CRLF1: variants seen among roughly 807,000 people sequenced by gnomAD.
The protein encoded by CRLF1 is cytokine receptor like factor 1.
Under a neutral mutation model 48.9 loss-of-function variants are expected in CRLF1, and 36 were observed. That is an observed-to-expected ratio of 0.74 (90% confidence interval 0.56 to 0.97). The LOEUF is 0.97. Among genes scored for constraint, CRLF1 ranks in the 50% least tolerant of loss-of-function variants. The pLI is 0.00. For missense variants in CRLF1, 534 were observed against 575.1 expected, an observed-to-expected ratio of 0.93 and a Z score of 0.73; for synonymous variants, 256 against 253.4, an observed-to-expected ratio of 1.01 and a Z score of -0.10.
At chr19:18,600,956 C>T (rs1976213473) in intron 1 of CRLF1, among the ~76,000 whole-genome samples, 1 of 152,046 alleles carries the variant, frequency 6.6e-6, no homozygotes, top group Non-Finnish European at 1.5e-5. Flanking sequence ...AGGTGTGCAC[C>T]ACCACACCTG....
intron 6 of CRLF1, 112 bp from the exon 7 acceptor site, chr19:18,594,546 T>C (rs950592816): frequency 2.5e-6 from 2 of 799,776 alleles, no homozygotes; most frequent in Non-Finnish European, 3.3e-6. Context: ...GGAACCTCCC[T>C]CCCCGTTTCT....
chr19:18,606,665 C>T lies in CRLF1; in HGVS notation c.-9G>A, dbSNP rs1015232472. On this transcript the variant is annotated 5_prime_UTR_variant, in exon 1 of 9. Coordinates refer to ENST00000392386, the MANE Select transcript of CRLF1 (RefSeq NM_004750.5). The surrounding 1 kb of genome is among the most constrained non-coding windows in gnomAD (Gnocchi z 4.8). ...CGGCGGCCGGCGGGCATGGGGCCGG[C>T]GCTGCCGGGGGCGCGCGGCGGGCTG... 2 of 657,948 alleles carry T rather than the reference C, an allele frequency of 3.0e-6. No homozygotes were observed. The highest frequency in any genetic ancestry group is 3.7e-6 in the Non-Finnish European group (2 of 534,238). 40.8% of individuals were successfully genotyped at this position (657,948 alleles called of 1,614,324 possible).
chr19:18,606,579 G>GAGC lies in CRLF1; in HGVS notation c.75_77dup (p.Leu26dup), dbSNP rs34503316. On this transcript the variant is annotated inframe_insertion, in exon 1 of 9. Coordinates refer to ENST00000392386, the MANE Select transcript of CRLF1 (RefSeq NM_004750.5). This position sits in a 1 kb window ranked among gnomAD's most constrained non-coding sequence, Gnocchi z 4.8. ...CGGCTCGCGGCGCCCCGAGGACGCA[G>GAGC]AGCAGCAGCAGCAGGGGCAGCAACG... 7 of 1,140,372 alleles carry GAGC rather than the reference G, an allele frequency of 6.1e-6. No homozygotes were observed. In the South Asian group the frequency reaches 1.7e-4, roughly 28 times the overall value. 70.6% of individuals were successfully genotyped at this position (1,140,372 alleles called of 1,614,324 possible).
chr19:18,599,097 C>T (rs1191442382), intron 2 of CRLF1, 196 bp from the exon 3 acceptor site: 14 of 985,146 alleles, frequency 1.4e-5, no homozygotes, highest in South Asian at 4.7e-5. Flanking sequence ...GCTGGTGACT[C>T]GATCTCCGGG....
At position 18,594,333 on chromosome 19, in the gene CRLF1, T is replaced by TCTTGAGCCAGCCCAGGAACTG; in HGVS notation, c.1105_1125dup (p.Gln369_Lys375dup). 1 of 1,612,134 alleles carries TCTTGAGCCAGCCCAGGAACTG rather than the reference T, an allele frequency of 6.2e-7. No homozygotes were observed. The highest frequency in any genetic ancestry group is 8.5e-7 in the Non-Finnish European group (1 of 1,179,734). On this transcript the variant is annotated inframe_insertion, in exon 7 of 9. Coordinates refer to ENST00000392386, the MANE Select transcript of CRLF1 (RefSeq NM_004750.5). ...CTGAGGTTGGAGCAGTACGCGTGCT[T>TCTTGAGCCAGCCCAGGAACTG]CTTGAGCCAGCCCAGGAACTGCTTG... is the stretch of plus-strand genomic sequence containing the variant.
rs1206327956 is a variant in CRLF1 at position 18,596,650 on chromosome 19, G to A, written c.996C>T (p.His332=). The part of the protein sequence containing the change: ...KKAGIWSEWS[H]PTAASTPRSE... The stretch of plus-strand genomic sequence containing the variant: ...TGCGGGGAGTGGAGGCGGCTGTGGG[G>A]TGGCTCCACTCACTCCAGATCCCGG... Residue 332 remains histidine, a synonymous_variant, in exon 6 of 9, where the codon CAC becomes CAT. Transcript: ENST00000392386. 5.0e-6 allele frequency: 8 copies of A among 1,613,878 alleles called. No individual in the cohort carries two copies. In the East Asian group the frequency reaches 1.8e-4, roughly 36 times the overall value.
At chr19:18,601,684 G>A (rs1034317986) in intron 1 of CRLF1, among the ~76,000 whole-genome samples, 3 of 152,210 alleles carry the variant, frequency 2.0e-5, no homozygotes, top group East Asian at 1.9e-4. Flanking sequence ...GATGACAGGC[G>A]TGAGTCATTG....
At chr19:18,594,564 C>T in intron 6 of CRLF1, 130 bp from the exon 7 acceptor site, 2 of 673,908 alleles carry the variant, frequency 3.0e-6, no homozygotes, top group Non-Finnish European at 4.2e-6. Context: ...TCTCAAGGAC[C>T]GAGTCCTCCC....
At chr19:18,593,613 A>T in intron 8 of CRLF1, 34 bp from the exon 9 acceptor site, 4 of 1,590,102 alleles carry the variant, frequency 2.5e-6, no homozygotes, top group Non-Finnish European at 3.4e-6. Flanking sequence ...CTAAGCAGGG[A>T]GTCCAGGAGA....
At chr19:18,602,411 C>G (rs1250698928) in intron 1 of CRLF1, among the ~76,000 whole-genome samples, 1 of 152,056 alleles carries the variant, frequency 6.6e-6, no homozygotes, top group East Asian at 1.9e-4. Context: ...GAGTTTGAGA[C>G]AGCCTGGGCA....
rs137853932 is a variant in CRLF1, at chr19:18,599,564, C to T, written c.397+1G>A. 17 of 1,612,234 alleles carry T rather than the reference C, an allele frequency of 1.1e-5. No individual in the cohort carries two copies. The highest frequency in any genetic ancestry group is 4.5e-5 in the East Asian group (2 of 44,884). ...CTGGGGTGTCCTGGGTGCCAACTTA[C>T]GGCCAACATAGAGGCAGGAGCCAGC... On this transcript the variant is annotated splice_donor_variant, in intron 2 of 8. Transcript: ENST00000392386. LOFTEE classifies it high-confidence loss of function.
At chr19:18,593,628 C>G (rs201615162) in intron 8 of CRLF1, 49 bp from the exon 9 acceptor site, 47 of 1,575,428 alleles carry the variant, frequency 3.0e-5, no homozygotes, top group Non-Finnish European at 3.4e-6. Flanking sequence ...AGGAGAGGGC[C>G]GCACCACAGA....
At chr19:18,594,523 A>C in intron 6 of CRLF1, 89 bp from the exon 7 acceptor site, 6 of 1,032,014 alleles carry the variant, frequency 5.8e-6, no homozygotes, top group Non-Finnish European at 7.5e-6. Flanking sequence ...CGGCGGGACC[A>C]TGCTCCCCTC....
chr19:18,604,280 C>A (rs1023651349), intron 1 of CRLF1, among the ~76,000 whole-genome samples: 1 of 152,118 alleles, frequency 6.6e-6, no homozygotes, highest in Admixed American at 6.5e-5. Flanking sequence ...CACCGGGCGG[C>A]GACGGGTTGT....
chr19:18,606,204 G>T lies in CRLF1; in HGVS notation c.115+338C>A, dbSNP rs979976663. The stretch of plus-strand genomic sequence containing the variant: ...GGAGCGGTGCCCTGCAGTCCCAGGG[G>T]CCCAGAGTCCACCGAAGCAGACGCG... On this transcript the variant is annotated intron_variant, in intron 1 of 8. Coordinates refer to ENST00000392386, the MANE Select transcript of CRLF1 (RefSeq NM_004750.5). This position sits in a 1 kb window ranked among gnomAD's most constrained non-coding sequence, Gnocchi z 4.8. 3.3e-5 allele frequency among the ~76,000 whole-genome samples: 5 copies of T among 151,700 alleles called. No homozygotes were observed. Among genetic ancestry groups the T allele is most frequent in the African/African-American group, 1.2e-4 (5 of 41,364 alleles).
rs1471323811 is a variant in CRLF1 at position 18,606,473 on chromosome 19, C to T, written c.115+69G>A. ...AGGTGGCGCCCGCGCCCCCTCCCCC[C>T]GCGGCTGCCCCCGGGGCGCCCGCCC... is the stretch of plus-strand genomic sequence containing the variant. On this transcript the variant is annotated intron_variant, in intron 1 of 8. Coordinates refer to ENST00000392386, the MANE Select transcript of CRLF1 (RefSeq NM_004750.5). The surrounding 1 kb of genome is among the most constrained non-coding windows in gnomAD (Gnocchi z 4.8). The T allele has an allele frequency of 9.3e-7, 1 of 1,072,682 alleles. No individual in the cohort carries two copies. The highest frequency in any genetic ancestry group is 1.1e-6 in the Non-Finnish European group (1 of 884,656). 66.4% of individuals were successfully genotyped at this position (1,072,682 alleles called of 1,614,324 possible). A position where few individuals can be genotyped will look rare whatever the true frequency, so the allele number is the denominator to read the frequency against.
chr19:18,596,907 G>A lies in CRLF1; in HGVS notation c.840C>T (p.Asp280=). ...AKYQIRYRVE[D]SVDWKVVDDV... The stretch of plus-strand genomic sequence containing the variant: ...GGAGGGTCACCTTCCAGTCCACACT[G>A]TCCTCCACTCGGTAGCGGATCTGGT... The change falls in exon 5 of 9, where the codon GAC becomes GAT. Residue 280 remains aspartate (D), a synonymous_variant. Coordinates refer to ENST00000392386, the MANE Select transcript of CRLF1 (RefSeq NM_004750.5). 6.2e-7 allele frequency: 1 copy of A among 1,614,110 alleles called. No homozygotes were observed. The highest frequency in any genetic ancestry group is 8.5e-7 in the Non-Finnish European group (1 of 1,180,018).
chr19:18,597,065 G>A lies in CRLF1; in HGVS notation c.698-16C>T. ...TCCGTGGTCACTGCGGGGCAGAGGA[G>A]GGACCCTCTCAGCCTGGGACTGTCT... On this transcript the variant is annotated splice_polypyrimidine_tract_variant and intron_variant, in intron 4 of 8. Transcript: ENST00000392386. 1 of 1,610,638 alleles carries A rather than the reference G, an allele frequency of 6.2e-7. No homozygotes were observed. Among genetic ancestry groups the A allele is most frequent in the Non-Finnish European group, 8.5e-7 (1 of 1,178,266 alleles).
At chr19:18,600,947 G>C (rs1196761111) in intron 1 of CRLF1, among the ~76,000 whole-genome samples, 2 of 152,014 alleles carry the variant, frequency 1.3e-5, no homozygotes, top group African/African-American at 2.4e-5. Context: ...TGGGACTACA[G>C]GTGTGCACCA....
Sources: allele counts gnomAD v4.1 joint callset (sites outside exome capture counted in the v4.1 genomes callset), GRCh38; gene constraint gnomAD v4.1.1; non-coding constraint Gnocchi (gnomAD v3.1); transcripts MANE v1.5; gene names NCBI Gene and HGNC (gene_info 2026-07-23, HGNC 2026-07-21).